Variants in SOD2 observed in about 807,000 individuals in gnomAD.
SOD2 encodes superoxide dismutase [Mn], mitochondrial.
Under a neutral mutation model 27.0 loss-of-function variants are expected in SOD2, and 11 were observed. That is an observed-to-expected ratio of 0.41 (90% CI 0.26 to 0.67). SOD2 has a LOEUF of 0.67. Ranked by LOEUF, SOD2 falls within the 30% of genes least tolerant of loss-of-function variation. SOD2 has a pLI of 0.34. For missense variants in SOD2, 250 were observed against 274.5 expected (o/e 0.91, Z 0.63); for synonymous variants, 105 against 103.0 (o/e 1.02, Z -0.12).
At chr6:159,761,967 G>A (rs1483212617) in exon 1 of SOD2, 5 of 1,134,174 alleles carry the variant, frequency 4.4e-6, no homozygotes, top group Admixed American at 2.0e-5. Flanking sequence ...GGTGCGCGGG[G>A]AGGTGGAGGG....
At chr6:159,710,786 G>A (rs868318577) in intron 1 of SOD2, among the ~76,000 whole-genome samples, 31 of 139,616 alleles carry the variant, frequency 2.2e-4, no homozygotes, top group East Asian at 1.5e-3. Context: ...CCACCACTCA[G>A]CTGCTCTGAC....
At chr6:159,684,599 A>G (rs1780101391) in intron 4 of SOD2, among the ~76,000 whole-genome samples, 1 of 152,240 alleles carries the variant, frequency 6.6e-6, no homozygotes, top group African/African-American at 2.4e-5. Flanking sequence ...CCTGGGCAAC[A>G]GTGAGATCTG....
chr6:159,750,694 T>C lies in SOD2; in HGVS notation c.-335-2018A>G, dbSNP rs150187159. 6.3e-3 allele frequency among the ~76,000 whole-genome samples: 955 copies of C among 152,382 alleles called. 10 individuals are homozygous for C. The highest frequency in any genetic ancestry group is 0.022 in the African/African-American group (921 of 41,586). ...ATCTAGACAACTACATTTTTAATGC[T>C]TACATAGTATATTTCCGTTATATTA... is the stretch of plus-strand genomic sequence containing the variant. On this transcript the variant is annotated intron_variant, in intron 1 of 7. Coordinates refer to the SOD2 transcript ENST00000546087.
chr6:159,759,320 A>G (rs1446137935), intron 1 of SOD2, among the ~76,000 whole-genome samples: 5 of 148,380 alleles, frequency 3.4e-5, no homozygotes, highest in African/African-American at 1.2e-4. Flanking sequence ...CGGCCTCCCA[A>G]AGTGCTGGGA....
Position 159,675,778 on chromosome 6 carries a change from C to G in SOD2, c.*6715G>C, listed in dbSNP as rs1257492770. 6.6e-6 allele frequency: 1 copy of G among 152,152 alleles called. No homozygotes were observed. The highest frequency in any genetic ancestry group is 1.9e-4 in the East Asian group (1 of 5,198). 9.4% of individuals were successfully genotyped at this position (152,152 alleles called of 1,614,324 possible). A position where few individuals can be genotyped will look rare whatever the true frequency, so the allele number is the denominator to read the frequency against. On this transcript the variant is annotated 3_prime_UTR_variant, in exon 5 of 5. Coordinates refer to ENST00000538183, the MANE Select transcript of SOD2 (RefSeq NM_000636.4). ...CTCATTAAACTCAAGAGCTTCTGCACAGCAAAAGAAACTACCATCAGAGTG... is the reference window on the plus strand; with the variant it reads ...CTCATTAAACTCAAGAGCTTCTGCAGAGCAAAAGAAACTACCATCAGAGTG...
chr6:159,761,827 C>T, exon 1 of SOD2: 2 of 217,678 alleles, frequency 9.2e-6, no homozygotes, highest in South Asian at 1.1e-4. Context: ...CAGACCCCGG[C>T]CTCACTTCCG....
chr6:159,684,754 A>ATCTG, intron 4 of SOD2, 100 bp downstream of exon 4: 1 of 945,462 alleles, frequency 1.1e-6, no homozygotes, highest in Non-Finnish European at 1.5e-6. Flanking sequence ...TTTGCAAATT[A>ATCTG]TTACATGTTC....
chr6:159,720,108 G>A (rs1778004420), intron 1 of SOD2, among the ~76,000 whole-genome samples: 1 of 150,564 alleles, frequency 6.6e-6, no homozygotes, highest in Admixed American at 6.6e-5. Flanking sequence ...TCAGCTCATT[G>A]CAACCTCTGC....
intron 1 of SOD2, among the ~76,000 whole-genome samples, chr6:159,710,991 C>A (rs957983372): frequency 8.8e-6 from 1 of 113,396 alleles, no homozygotes; most frequent in Non-Finnish European, 2.0e-5. Context: ...AACCACCACT[C>A]ACACTGCTCT....
At chr6:159,699,675 A>C (rs1410309191) in intron 1 of SOD2, among the ~76,000 whole-genome samples, 1 of 152,170 alleles carries the variant, frequency 6.6e-6, no homozygotes, top group East Asian at 1.9e-4. Flanking sequence ...GATTGATTTC[A>C]GGTGCACAGT....
At chr6:159,713,154 TG>T in intron 1 of SOD2, 1 of 1,249,454 alleles carries the variant, frequency 8.0e-7, no homozygotes, top group Non-Finnish European at 1.1e-6. Flanking sequence ...CTCTGGAAAC[TG>T]GACCCACTAT....
chr6:159,716,046 G>T (rs1386240897), intron 1 of SOD2, among the ~76,000 whole-genome samples: 1 of 152,140 alleles, frequency 6.6e-6, no homozygotes, highest in Non-Finnish European at 1.5e-5. Context: ...TGAAACAAGG[G>T]CTATGGACAT....
At chr6:159,736,561 G>A (rs1778930639) in intron 1 of SOD2, 2 of 315,876 alleles carry the variant, frequency 6.3e-6, no homozygotes, top group Non-Finnish European at 1.2e-5. Context: ...TGTTCATTAT[G>A]TGAATATTTC....
intron 1 of SOD2, among the ~76,000 whole-genome samples, chr6:159,711,958 CATAA>C: frequency 8.5e-6 from 1 of 117,464 alleles, no homozygotes; most frequent in African/African-American, 3.2e-5. Context: ...CTCTGATCAC[CATAA>C]CCACCTCCAT....
At chr6:159,726,936 G>A (rs1341886088) in intron 1 of SOD2, 1 of 1,288,550 alleles carries the variant, frequency 7.8e-7, no homozygotes, top group Non-Finnish European at 1.0e-6. Context: ...TCCGACACGC[G>A]GAAGCATCAC....
At chr6:159,744,694 C>A (rs1382233677) in intron 1 of SOD2, among the ~76,000 whole-genome samples, 1 of 152,120 alleles carries the variant, frequency 6.6e-6, no homozygotes, top group Non-Finnish European at 1.5e-5. Flanking sequence ...TGGCTTTTAT[C>A]ATTTTCTTTA....
chr6:159,718,954 C>G (rs1480542925), intron 1 of SOD2, among the ~76,000 whole-genome samples: 1 of 151,402 alleles, frequency 6.6e-6, no homozygotes, highest in South Asian at 2.1e-4. Flanking sequence ...CATTTTTAAC[C>G]AACAACTCTG....
Position 159,684,846 on chromosome 6 carries a change from A to T in SOD2, c.523+8T>A, listed in dbSNP as rs978298602. On this transcript the variant is annotated splice_region_variant and intron_variant, in intron 4 of 4. Coordinates refer to ENST00000538183, the MANE Select transcript of SOD2 (RefSeq NM_000636.4). ...CTCCCAAATGAAATCACAATTTTTA[A>T]ATCTAACCTGTTGTTCCTTGCAGTG... 10 of 1,602,160 alleles carry T rather than the reference A, an allele frequency of 6.2e-6. No homozygotes were observed. Among genetic ancestry groups the T allele is most frequent in the Non-Finnish European group, 8.5e-6 (10 of 1,173,702 alleles).
intron 4 of SOD2, 43 bp downstream of exon 4, chr6:159,684,811 T>G (rs752358639): frequency 6.7e-7 from 1 of 1,498,472 alleles, no homozygotes; most frequent in Admixed American, 1.8e-5. Context: ...TGCTTTACAG[T>G]AGAGCATCTC....
Sources: gnomAD v4.1 joint callset for allele counts (sites outside exome capture counted in the v4.1 genomes callset) on GRCh38, gnomAD v4.1.1 for gene constraint, MANE v1.5 for transcripts, NCBI Gene and HGNC (gene_info 2026-07-23, HGNC 2026-07-21) for gene names.